Variants in PKIB observed in about 807,000 individuals in gnomAD.
PKIB encodes cAMP-dependent protein kinase inhibitor beta, also known as PKI-beta.
PKIB carries 2 observed loss-of-function variants against 4.5 expected under a neutral mutation model. The observed-to-expected ratio is 0.44, with a 90% confidence interval of 0.18 to 1.39. The LOEUF (loss-of-function observed/expected upper bound fraction) is 1.39, where lower values mean the gene tolerates loss of function less well. Ranked by LOEUF, PKIB falls within the 40% of genes most tolerant of loss-of-function variation. The pLI is 0.27. For synonymous variants in PKIB, 38 were observed against 36.0 expected, an observed-to-expected ratio of 1.06 and a Z score of -0.20; for missense variants, 94 against 92.6, an observed-to-expected ratio of 1.02 and a Z score of -0.06.
rs139606449 is a variant in PKIB, at chr6:122,604,847, G to A, written c.-161+18840G>A. Among the ~76,000 whole-genome samples the A allele has an allele frequency of 1.4e-4, 21 of 152,214 alleles. No individual in the cohort carries two copies. The Middle Eastern group carries it at 0.01, about 74-fold the overall frequency. On this transcript the variant is annotated intron_variant, in intron 3 of 6. Transcript: ENST00000392491. The stretch of plus-strand genomic sequence containing the variant: ...ACAATGCCCTATTGATCAGGAGTGG[G>A]GAGAGACACATGACTACAATGGTAA...
intron 2 of PKIB, among the ~76,000 whole-genome samples, chr6:122,537,813 A>G (rs1353181012): frequency 6.6e-6 from 1 of 151,912 alleles, no homozygotes; most frequent in Non-Finnish European, 1.5e-5. Context: ...AAGTGTTCCT[A>G]TTTCTCCACA....
intron 2 of PKIB, among the ~76,000 whole-genome samples, chr6:122,549,240 A>G (rs915072229): frequency 3.3e-4 from 51 of 152,336 alleles, no homozygotes; most frequent in African/African-American, 1.2e-3. Flanking sequence ...GGTATCATAC[A>G]TATGAGGCAA....
intron 3 of PKIB, among the ~76,000 whole-genome samples, chr6:122,703,654 A>AGT (rs1336715262): frequency 6.6e-6 from 1 of 151,980 alleles, no homozygotes; most frequent in African/African-American, 2.4e-5. Flanking sequence ...AAGAGAGAAT[A>AGT]GTGAACTATA....
chr6:122,696,531 T>C (rs1346844611), intron 3 of PKIB, among the ~76,000 whole-genome samples: 1 of 152,186 alleles, frequency 6.6e-6, no homozygotes, highest in Non-Finnish European at 1.5e-5. Context: ...TCTTCGACCC[T>C]AGAAAGGTAG....
chr6:122,616,621 GGGATTGGGTTAAGGACGAAAGT>G (rs1384426669), intron 1 of PKIB, among the ~76,000 whole-genome samples: 1 of 152,134 alleles, frequency 6.6e-6, no homozygotes, highest in Non-Finnish European at 1.5e-5. Context: ...TCCAATAAAG[GGGATTGGGTTAAGGACGAAAGT>G]GGAGGCCTTG....
At chr6:122,679,220 G>GT (rs1777805743) in intron 3 of PKIB, among the ~76,000 whole-genome samples, 1 of 152,240 alleles carries the variant, frequency 6.6e-6, no homozygotes, top group Admixed American at 6.5e-5. Context: ...AGTGACCTGT[G>GT]TTTGGAGGTG....
intron 2 of PKIB, chr6:122,480,122 A>C (rs1211750463): frequency 6.6e-6 from 1 of 151,478 alleles, no homozygotes; most frequent in Admixed American, 6.6e-5. Context: ...GGCTCACTGC[A>C]AGCTCCGCCT....
At chr6:122,645,332 G>T (rs1361405335) in intron 2 of PKIB, among the ~76,000 whole-genome samples, 1 of 152,186 alleles carries the variant, frequency 6.6e-6, no homozygotes, top group Non-Finnish European at 1.5e-5. Flanking sequence ...ATGACGGCAT[G>T]GTCTCCAGTG....
At chr6:122,695,754 C>T (rs917271552) in intron 3 of PKIB, among the ~76,000 whole-genome samples, 2 of 151,956 alleles carry the variant, frequency 1.3e-5, no homozygotes, top group Non-Finnish European at 2.9e-5. Flanking sequence ...TTTTGGAATC[C>T]TATGTGACAG....
intron 2 of PKIB, among the ~76,000 whole-genome samples, chr6:122,489,221 A>G (rs1775867001): frequency 2.6e-5 from 2 of 76,664 alleles, no homozygotes; most frequent in South Asian, 1.1e-3. Flanking sequence ...ATAGTATTTC[A>G]TTTATTATTA....
chr6:122,626,972 C>T (rs371718194), intron 1 of PKIB, among the ~76,000 whole-genome samples: 20 of 151,240 alleles, frequency 1.3e-4, no homozygotes, highest in East Asian at 9.8e-4. Flanking sequence ...CGGTGGCTCA[C>T]GCCTGTAATC....
rs112696345 is a variant in PKIB at position 122,546,940 on chromosome 6, A to G, written c.-247-38981A>G. Among the ~76,000 whole-genome samples, 798 of 152,244 alleles carry G rather than the reference A, an allele frequency of 5.2e-3. 8 individuals carry two copies. The highest frequency in any genetic ancestry group is 0.01 in the Middle Eastern group (3 of 294). ...TATATAGTAGAAAGTAGCAAATGCTATAGCACAGAGATACAGGGGAAGAAG... is the reference window on the plus strand; with the variant it reads ...TATATAGTAGAAAGTAGCAAATGCTGTAGCACAGAGATACAGGGGAAGAAG... On this transcript the variant is annotated intron_variant, in intron 2 of 6. Coordinates refer to the PKIB transcript ENST00000392491.
At chr6:122,666,829 G>C (rs1777238235) in intron 2 of PKIB, among the ~76,000 whole-genome samples, 1 of 152,186 alleles carries the variant, frequency 6.6e-6, no homozygotes, top group Non-Finnish European at 1.5e-5. Flanking sequence ...AATCGACTTA[G>C]TCAACCACTA....
intron 2 of PKIB, among the ~76,000 whole-genome samples, chr6:122,577,479 G>A (rs1353626793): frequency 6.6e-6 from 1 of 152,058 alleles, no homozygotes; most frequent in Non-Finnish European, 1.5e-5. Flanking sequence ...TGTCAGATTT[G>A]TGAGTTGTCA....
intron 3 of PKIB, among the ~76,000 whole-genome samples, chr6:122,690,198 T>C (rs1391258135): frequency 6.6e-6 from 1 of 151,878 alleles, no homozygotes; most frequent in Non-Finnish European, 1.5e-5. Flanking sequence ...TTTTTTTTTT[T>C]AATCCATTCA....
chr6:122,606,490 C>G (rs1235768787), upstream of PKIB, among the ~76,000 whole-genome samples: 1 of 146,598 alleles, frequency 6.8e-6, no homozygotes, highest in Non-Finnish European at 1.5e-5. Flanking sequence ...GAGAATCGCT[C>G]GAACCCAGGA....
At chr6:122,703,234 A>C (rs1299090581) in intron 3 of PKIB, among the ~76,000 whole-genome samples, 1 of 152,160 alleles carries the variant, frequency 6.6e-6, no homozygotes, top group Non-Finnish European at 1.5e-5. Context: ...TTTGTAAAAA[A>C]TTTTTATAGC....
upstream of PKIB, among the ~76,000 whole-genome samples, chr6:122,609,457 G>A (rs952273698): frequency 1.3e-5 from 2 of 148,904 alleles, no homozygotes; most frequent in African/African-American, 2.5e-5. Flanking sequence ...TAAAATATTA[G>A]TCTGATTATA....
intron 2 of PKIB, among the ~76,000 whole-genome samples, chr6:122,542,656 CG>C (rs1482447115): frequency 6.6e-6 from 1 of 152,076 alleles, no homozygotes; most frequent in Non-Finnish European, 1.5e-5. Context: ...TTAGGCTGCT[CG>C]GGGGTCAAGG....
Sources: allele counts gnomAD v4.1 joint callset (sites outside exome capture counted in the v4.1 genomes callset), GRCh38; gene constraint gnomAD v4.1.1; transcripts MANE v1.5; gene names NCBI Gene and HGNC (gene_info 2026-07-23, HGNC 2026-07-21).